ECM2: variants seen among roughly 807,000 people sequenced by gnomAD.
The protein encoded by ECM2 is extracellular matrix protein 2, also known as extracellular matrix protein 2, female organ and adipocyte specific.
Under a neutral mutation model 67.5 loss-of-function variants are expected in ECM2, and 57 were observed. The ratio of observed to expected loss-of-function variants is 0.84; its 90% CI spans 0.68 to 1.05. The LOEUF is 1.05. Among genes scored for constraint, ECM2 ranks in the 50% least tolerant of loss-of-function variants. The pLI is 0.00. For synonymous variants in ECM2, 258 were observed against 294.5 expected (o/e 0.88, Z 1.27); for missense variants, 741 against 822.8 (o/e 0.90, Z 1.22).
At chr9:92,553,559 C>T in the ECM2 span, among the ~76,000 whole-genome samples, 15 of 152,124 alleles carry the variant, frequency 9.9e-5, no homozygotes, top group East Asian at 7.7e-4. Flanking sequence ...GTTTCCATTT[C>T]TTTGTGTCAT....
At chr9:92,539,630 T>A (rs1366952351), upstream of ECM2, among the ~76,000 whole-genome samples, 1 of 152,014 alleles carries the variant, frequency 6.6e-6, no homozygotes, top group East Asian at 1.9e-4. Context: ...GTGGCTAGAT[T>A]GGTAGGAGGA....
the ECM2 span, among the ~76,000 whole-genome samples, chr9:92,550,345 G>A: frequency 7.9e-5 from 12 of 151,758 alleles, no homozygotes; most frequent in African/African-American, 2.2e-4. Context: ...GCAGTGAGCC[G>A]AGATCGTGCC....
chr9:92,530,049 C>T (rs1848650440), intron 1 of ECM2, among the ~76,000 whole-genome samples: 1 of 151,978 alleles, frequency 6.6e-6, no homozygotes, highest in Non-Finnish European at 1.5e-5. Context: ...TGTAAGTAAT[C>T]TAGAGATTAT....
intron 1 of ECM2, among the ~76,000 whole-genome samples, chr9:92,530,638 T>C (rs1011865386): frequency 2.6e-5 from 4 of 152,208 alleles, no homozygotes; most frequent in Middle Eastern, 3.2e-3. Context: ...ATACTTTCAG[T>C]GTCTCCGGGA....
chr9:92,549,187 C>G, the ECM2 span, among the ~76,000 whole-genome samples: 1 of 152,188 alleles, frequency 6.6e-6, no homozygotes, highest in African/African-American at 2.4e-5. Context: ...GGGCTATGGA[C>G]TTGTTCTGTT....
chr9:92,522,248 G>A (rs1435593401), intron 2 of ECM2, among the ~76,000 whole-genome samples: 2 of 151,746 alleles, frequency 1.3e-5, no homozygotes, highest in African/African-American at 4.8e-5. Flanking sequence ...CACCACACCC[G>A]GCTAATTTTT....
At chr9:92,515,251 A>G (rs1162663053) in intron 3 of ECM2, 48 bp from the exon 4 acceptor site, 1 of 1,420,154 alleles carries the variant, frequency 7.0e-7, no homozygotes. Flanking sequence ...TGATGATATT[A>G]ATAAAAGAAA....
intron 8 of ECM2, 130 bp from the exon 9 acceptor site, chr9:92,501,183 A>C: frequency 1.1e-6 from 1 of 907,054 alleles, no homozygotes; most frequent in Non-Finnish European, 1.6e-6. Context: ...GATGATTCCA[A>C]ATAGGAACTT....
chr9:92,544,370 G>A, the ECM2 span, among the ~76,000 whole-genome samples: 1 of 152,308 alleles, frequency 6.6e-6, no homozygotes, highest in East Asian at 1.9e-4. Flanking sequence ...CAGCTGTTTG[G>A]GAGGCTGAGG....
intron 1 of ECM2, among the ~76,000 whole-genome samples, chr9:92,530,909 G>C (rs185939862): frequency 1.3e-5 from 2 of 152,132 alleles, no homozygotes; most frequent in Admixed American, 6.5e-5. Context: ...CCAATGTTTA[G>C]CTCTTACTTA....
At chr9:92,540,974 T>C (rs1462330122), upstream of ECM2, among the ~76,000 whole-genome samples, 2 of 150,528 alleles carry the variant, frequency 1.3e-5, no homozygotes, top group Non-Finnish European at 3.0e-5. Flanking sequence ...TTTTAAAAAA[T>C]GTATTGGCTG....
At position 92,515,238 on chromosome 9, in the gene ECM2, A is replaced by C. The variant is rs1847628983; in HGVS notation, c.482-35T>G. The C allele has an allele frequency of 6.2e-6, 9 of 1,454,958 alleles. No homozygotes were observed. The South Asian group carries it at 1.5e-4, about 25-fold the overall frequency. The allele number at this position is 1,454,958 out of a possible 1,614,324, so 90.1% of individuals were successfully genotyped here. ...ACGCAAGGATGAGGTAGCAGAGATA[A>C]GTTGATGATATTAATAAAAGAAAAA... On this transcript the variant is annotated intron_variant, in intron 3 of 9. Transcript: ENST00000344604.
At chr9:92,517,367 C>CCTTA in intron 3 of ECM2, 1 of 516,182 alleles carries the variant, frequency 1.9e-6, no homozygotes, top group South Asian at 2.3e-5. Flanking sequence ...AAAGCAGAGC[C>CCTTA]CTTAATGCAA....
intron 5 of ECM2, among the ~76,000 whole-genome samples, chr9:92,511,307 A>T (rs933837485): frequency 6.6e-6 from 1 of 152,020 alleles, no homozygotes; most frequent in Admixed American, 6.5e-5. Context: ...TTGTATTTTT[A>T]GTAGAGACGG....
intron 9 of ECM2, among the ~76,000 whole-genome samples, chr9:92,498,437 G>A (rs1181552379): frequency 6.6e-6 from 1 of 151,592 alleles, no homozygotes; most frequent in Non-Finnish European, 1.5e-5. Flanking sequence ...TACCCTAAAA[G>A]TATAGTAAAA....
the ECM2 span, among the ~76,000 whole-genome samples, chr9:92,554,916 A>G: frequency 6.6e-6 from 1 of 151,576 alleles, no homozygotes; most frequent in Non-Finnish European, 1.5e-5. Context: ...GATTACAGGC[A>G]TGAGCCACTG....
the ECM2 span, among the ~76,000 whole-genome samples, chr9:92,545,182 G>C: frequency 6.6e-6 from 1 of 152,196 alleles, no homozygotes; most frequent in East Asian, 1.9e-4. Flanking sequence ...TGTGCTGTGG[G>C]AGCTCCTTCC....
At chr9:92,524,421 G>T (rs1406910933) in intron 1 of ECM2, among the ~76,000 whole-genome samples, 1 of 152,156 alleles carries the variant, frequency 6.6e-6, no homozygotes, top group Non-Finnish European at 1.5e-5. Flanking sequence ...GAAGTCTGGT[G>T]GCCAGGGACA....
intron 1 of ECM2, among the ~76,000 whole-genome samples, chr9:92,533,170 C>T (rs1848908157): frequency 2.0e-5 from 3 of 150,000 alleles, no homozygotes; most frequent in Admixed American, 6.7e-5. Flanking sequence ...TGTGGTGGCA[C>T]GCGCGTGTAG....
Sources: gnomAD v4.1 joint callset for allele counts (sites outside exome capture counted in the v4.1 genomes callset) on GRCh38, gnomAD v4.1.1 for gene constraint, MANE v1.5 for transcripts, NCBI Gene and HGNC (gene_info 2026-07-23, HGNC 2026-07-21) for gene names.